GKAP1: variants seen among roughly 807,000 people sequenced by gnomAD.
GKAP1 encodes G kinase anchoring protein 1.
In GKAP1, 31 loss-of-function variants were observed where a neutral mutation model predicts 56.7. The observed-to-expected ratio is 0.55, with a 90% CI of 0.41 to 0.74. The LOEUF is 0.74. Ranked by LOEUF, GKAP1 falls within the 30% of genes least tolerant of loss-of-function variation. The probability of loss-of-function intolerance (pLI) is 0.00; values close to 1 mark genes in which losing one functional copy is unlikely to be tolerated. For missense variants in GKAP1, 364 were observed against 402.3 expected (o/e 0.90, Z 0.82); for synonymous variants, 151 against 138.6 (o/e 1.09, Z -0.63).
chr9:83,756,505 A>G (rs1159363893), intron 8 of GKAP1, among the ~76,000 whole-genome samples: 2 of 124,764 alleles, frequency 1.6e-5, no homozygotes, highest in Non-Finnish European at 3.6e-5. Flanking sequence ...AAACAAAACA[A>G]AAAGAATTAA....
chr9:83,804,043 G>A (rs1245696313), intron 3 of GKAP1, among the ~76,000 whole-genome samples: 1 of 150,672 alleles, frequency 6.6e-6, no homozygotes, highest in Non-Finnish European at 1.5e-5. Flanking sequence ...GAAGTAAGGA[G>A]CCCCTCTGCC....
Position 83,739,703 on chromosome 9 carries a change from A to G in GKAP1, c.1095T>C (p.Cys365=). Residue 365 remains cysteine, a synonymous_variant, in exon 13 of 13, where the codon TGT becomes TGC. Transcript: ENST00000376371. ...ACTTCAAAGGCTAATGTAATCACCTACACTGGTCGGATTCAGAGTTTCTTT... is the reference window on the plus strand; with the variant it reads ...ACTTCAAAGGCTAATGTAATCACCTGCACTGGTCGGATTCAGAGTTTCTTT... ...KGKRNSESDQ[C]R is the part of the protein sequence containing the mutation. 1 of 1,609,852 alleles carries G rather than the reference A, an allele frequency of 6.2e-7. No individual in the cohort carries two copies. The highest frequency in any genetic ancestry group is 8.5e-7 in the Non-Finnish European group (1 of 1,178,306).
chr9:83,806,158 C>G, intron 3 of GKAP1, 144 bp downstream of exon 3: 1 of 612,376 alleles, frequency 1.6e-6, no homozygotes, highest in Admixed American at 3.0e-5. Context: ...TAAATATACA[C>G]AAATTCACAT....
At chr9:83,762,179 T>C (rs540813428) in intron 8 of GKAP1, among the ~76,000 whole-genome samples, 1 of 152,128 alleles carries the variant, frequency 6.6e-6, no homozygotes, top group East Asian at 1.9e-4. Flanking sequence ...AAAAAAACTA[T>C]TAGAACCTGA....
rs1052193205 is a variant in GKAP1 at position 83,784,615 on chromosome 9, CT to C, written c.562+99del. 5 of 896,130 alleles carry C rather than the reference CT, an allele frequency of 5.6e-6. No homozygotes were observed. The African/African-American group carries it at 8.6e-5, about 15-fold the overall frequency. The allele number at this position is 896,130 out of a possible 1,614,324, so 55.5% of individuals were successfully genotyped here. ...TACATTCTACATGATACATGAATAACTTTTACTTATTGTTTAAAAATTAGAA... is the reference window on the plus strand; with the variant it reads ...TACATTCTACATGATACATGAATAACTTTACTTATTGTTTAAAAATTAGAA... On this transcript the variant is annotated intron_variant, in intron 6 of 12. Transcript: ENST00000376371.
At chr9:83,785,469 G>A (rs113100486) in intron 5 of GKAP1, among the ~76,000 whole-genome samples, 3 of 152,106 alleles carry the variant, frequency 2.0e-5, no homozygotes, top group African/African-American at 2.4e-5. Flanking sequence ...ATCTCCACAC[G>A]AAATGTATTC....
intron 8 of GKAP1, among the ~76,000 whole-genome samples, chr9:83,766,780 T>C (rs1038947603): frequency 2.0e-5 from 3 of 152,224 alleles, no homozygotes; most frequent in Non-Finnish European, 4.4e-5. Context: ...GAAATGAGAC[T>C]ATGGCAAAAG....
At chr9:83,799,717 G>A (rs295291) in intron 3 of GKAP1, among the ~76,000 whole-genome samples, 50,812 of 152,006 alleles carry the variant, frequency 0.33, 9,079 homozygotes, top group Admixed American at 0.48. Context: ...CCATTGGAAG[G>A]GTGAAGCAGG....
chr9:83,743,703 C>T (rs1018843887), intron 10 of GKAP1, among the ~76,000 whole-genome samples: 3 of 152,060 alleles, frequency 2.0e-5, no homozygotes, highest in African/African-American at 2.4e-5. Flanking sequence ...AATTTTCATA[C>T]CAATAAGGCA....
At chr9:83,756,004 C>T (rs1027804636) in intron 8 of GKAP1, among the ~76,000 whole-genome samples, 1 of 151,866 alleles carries the variant, frequency 6.6e-6, no homozygotes, top group Admixed American at 6.6e-5. Flanking sequence ...AGGGTTTCAC[C>T]ATGTTGGCCA....
At chr9:83,794,711 CT>C (rs977690141) in intron 4 of GKAP1, among the ~76,000 whole-genome samples, 1 of 152,012 alleles carries the variant, frequency 6.6e-6, no homozygotes, top group Non-Finnish European at 1.5e-5. Context: ...TGAGTCATGA[CT>C]TTTAAAAAAA....
At chr9:83,789,259 G>A (rs2131299461) in intron 4 of GKAP1, among the ~76,000 whole-genome samples, 1 of 152,244 alleles carries the variant, frequency 6.6e-6, no homozygotes. Flanking sequence ...ATATATATTT[G>A]TTTCTCTTTT....
chr9:83,813,739 A>G (rs772821982), intron 2 of GKAP1, among the ~76,000 whole-genome samples: 17 of 152,266 alleles, frequency 1.1e-4, no homozygotes, highest in Non-Finnish European at 1.6e-4. Context: ...CACCATAAAT[A>G]AATATATCTT....
At chr9:83,813,561 C>T (rs1944541124) in intron 2 of GKAP1, among the ~76,000 whole-genome samples, 1 of 152,068 alleles carries the variant, frequency 6.6e-6, no homozygotes, top group Non-Finnish European at 1.5e-5. Context: ...TTGGGACCAG[C>T]CCAGGCAACA....
chr9:83,784,897 C>T, intron 5 of GKAP1, 59 bp from the exon 6 acceptor site: 2 of 1,328,196 alleles, frequency 1.5e-6, no homozygotes, highest in African/African-American at 1.5e-5. Context: ...ATAAACTCAC[C>T]AACAGGTAAT....
chr9:83,783,297 C>T (rs1944008430), intron 6 of GKAP1, among the ~76,000 whole-genome samples: 1 of 152,126 alleles, frequency 6.6e-6, no homozygotes, highest in African/African-American at 2.4e-5. Flanking sequence ...CGGGTATAGA[C>T]ACAGCGCTGT....
At chr9:83,806,626 AAAC>A in intron 2 of GKAP1, 66 bp from the exon 3 acceptor site, 1 of 867,414 alleles carries the variant, frequency 1.2e-6, no homozygotes, top group Non-Finnish European at 1.8e-6. Context: ...GTAGATTCTA[AAAC>A]AACCATATGT....
chr9:83,743,819 G>A (rs1372263208), intron 10 of GKAP1, among the ~76,000 whole-genome samples: 6 of 152,156 alleles, frequency 3.9e-5, no homozygotes, highest in South Asian at 2.1e-4. Context: ...TGGGAGAAGC[G>A]AGGTATCTAT....
chr9:83,780,320 T>C, intron 7 of GKAP1, 62 bp downstream of exon 7: 1 of 961,896 alleles, frequency 1.0e-6, no homozygotes. Context: ...TACTGCTAAG[T>C]ATTTAAGTAT....
Sources: gnomAD v4.1 joint callset for allele counts (sites outside exome capture counted in the v4.1 genomes callset) on GRCh38, gnomAD v4.1.1 for gene constraint, MANE v1.5 for transcripts, NCBI Gene and HGNC (gene_info 2026-07-23, HGNC 2026-07-21) for gene names.